NRG3: variants seen among roughly 807,000 people sequenced by gnomAD.
NRG3 encodes the protein pro-neuregulin-3, membrane-bound isoform.
NRG3 carries 31 observed loss-of-function variants against 66.9 expected under a neutral mutation model. That is an observed-to-expected ratio of 0.46 (90% CI 0.35 to 0.63). The LOEUF is 0.63. NRG3 is among the 20% of genes least tolerant of loss of function. The pLI is 0.00. For missense variants in NRG3, 910 were observed against 878.9 expected, an observed-to-expected ratio of 1.04 and a Z score of -0.45; for synonymous variants, 393 against 359.4, an observed-to-expected ratio of 1.09 and a Z score of -1.06.
chr10:82,393,422 T>C (rs565918102), intron 2 of NRG3, among the ~76,000 whole-genome samples: 2 of 152,246 alleles, frequency 1.3e-5, no homozygotes, highest in African/African-American at 2.4e-5. Flanking sequence ...CATTAGGCTG[T>C]TCCAATATGA....
intron 1 of NRG3, among the ~76,000 whole-genome samples, chr10:82,025,385 A>T (rs1564748013): frequency 6.6e-6 from 1 of 151,550 alleles, no homozygotes; most frequent in South Asian, 2.1e-4. Context: ...TTTTTAAAAA[A>T]GTTTTAACAT....
chr10:82,461,778 C>T (rs2091527391), intron 2 of NRG3, among the ~76,000 whole-genome samples: 1 of 152,148 alleles, frequency 6.6e-6, no homozygotes, highest in South Asian at 2.1e-4. Flanking sequence ...TTTATAGACT[C>T]TGAAGCAGTA....
rs1853404171 is a variant in NRG3 at position 82,985,911 on chromosome 10, C to T, written c.*306C>T. On this transcript the variant is annotated 3_prime_UTR_variant, in exon 9 of 9. Transcript: ENST00000372141. The stretch of plus-strand genomic sequence containing the variant: ...AATTCAGACCCTTGGCCCCACAGTG[C>T]CAGTGTCTCATTAAAAAACACTGGC... 4.5e-6 allele frequency: 1 copy of T among 223,712 alleles called. No individual in the cohort carries two copies. Among genetic ancestry groups the T allele is most frequent in the South Asian group, 8.8e-5 (1 of 11,342 alleles). The allele number at this position is 223,712 out of a possible 1,614,324, so 13.9% of individuals were successfully genotyped here.
intron 1 of NRG3, among the ~76,000 whole-genome samples, chr10:82,103,972 C>A (rs61864632): frequency 6.8e-6 from 1 of 147,550 alleles, no homozygotes; most frequent in South Asian, 2.1e-4. Context: ...TTTTCTCGTG[C>A]CTTTTTTTTT....
At chr10:82,101,583 T>G (rs896276108) in intron 1 of NRG3, among the ~76,000 whole-genome samples, 4 of 151,896 alleles carry the variant, frequency 2.6e-5, no homozygotes. Context: ...GTTGTCTTAC[T>G]TAACCCATTA....
chr10:82,737,717 G>T (rs148349809), intron 2 of NRG3, among the ~76,000 whole-genome samples: 209 of 152,192 alleles, frequency 1.4e-3, no homozygotes, highest in African/African-American at 4.8e-3. Flanking sequence ...GGGCCTCGCC[G>T]TATTTGTTCC....
chr10:82,856,743 CA>C (rs371581250), intron 3 of NRG3, among the ~76,000 whole-genome samples: 65 of 66,418 alleles, frequency 9.8e-4, no homozygotes, highest in African/African-American at 2.5e-3. Context: ...GACTCTGTCT[CA>C]AAAAAAAAAA....
At chr10:82,008,311 G>A (rs1042572192) in intron 1 of NRG3, among the ~76,000 whole-genome samples, 9 of 152,162 alleles carry the variant, frequency 5.9e-5, no homozygotes, top group Non-Finnish European at 1.2e-4. Flanking sequence ...GTATGAGTTC[G>A]ACAGGCAAAG....
chr10:81,936,223 G>T (rs1486001911), intron 1 of NRG3, among the ~76,000 whole-genome samples: 1 of 152,164 alleles, frequency 6.6e-6, no homozygotes, highest in Non-Finnish European at 1.5e-5. Context: ...AGAAGAGGCT[G>T]GGGAGAAATA....
chr10:82,309,935 G>T (rs945656384), intron 1 of NRG3, among the ~76,000 whole-genome samples: 1 of 152,084 alleles, frequency 6.6e-6, no homozygotes, highest in African/African-American at 2.4e-5. Context: ...ACCTCTCCTT[G>T]TCTCTTAACC....
chr10:82,915,273 C>T (rs1414482364), intron 4 of NRG3, among the ~76,000 whole-genome samples: 1 of 152,176 alleles, frequency 6.6e-6, no homozygotes, highest in East Asian at 1.9e-4. Context: ...TCTAAGAAGA[C>T]TTGTTCATTT....
At chr10:82,197,638 C>A (rs79736747) in intron 1 of NRG3, among the ~76,000 whole-genome samples, 2 of 151,952 alleles carry the variant, frequency 1.3e-5, no homozygotes, top group African/African-American at 4.8e-5. Context: ...AATGTTATGC[C>A]TGTATTTGTG....
intron 1 of NRG3, among the ~76,000 whole-genome samples, chr10:82,351,190 C>T (rs894450503): frequency 3.3e-5 from 5 of 152,258 alleles, no homozygotes; most frequent in Admixed American, 6.5e-5. Context: ...CACTCGCACC[C>T]GGCCGTGTTA....
intron 1 of NRG3, among the ~76,000 whole-genome samples, chr10:82,315,943 G>A (rs1038407467): frequency 2.6e-5 from 4 of 151,972 alleles, no homozygotes; most frequent in Admixed American, 6.6e-5. Flanking sequence ...CACTGCGCCC[G>A]GCCCATATAT....
intron 3 of NRG3, chr10:82,799,800 A>C (rs749206080): frequency 1.3e-5 from 2 of 152,208 alleles, no homozygotes; most frequent in Non-Finnish European, 2.9e-5. Flanking sequence ...TGAAAAGGGC[A>C]GTGAAACATC....
intron 2 of NRG3, among the ~76,000 whole-genome samples, chr10:82,454,645 G>C (rs6584739): frequency 0.45 from 67,761 of 151,916 alleles, 19,074 homozygotes; most frequent in African/African-American, 0.8. Flanking sequence ...AAACACTCAG[G>C]AAAGCACCCA....
intron 1 of NRG3, among the ~76,000 whole-genome samples, chr10:82,153,894 C>T (rs1403084119): frequency 6.6e-6 from 1 of 151,546 alleles, no homozygotes; most frequent in East Asian, 1.9e-4. Flanking sequence ...GATCTTTATT[C>T]ACTTTTTGAT....
intron 1 of NRG3, among the ~76,000 whole-genome samples, chr10:81,912,899 G>A (rs747056588): frequency 2.4e-4 from 37 of 152,336 alleles, no homozygotes; most frequent in Non-Finnish European, 2.1e-4. Context: ...TTAACTTAAT[G>A]TATTGTGACT....
At chr10:82,615,970 G>A (rs2048620609) in intron 2 of NRG3, among the ~76,000 whole-genome samples, 1 of 152,106 alleles carries the variant, frequency 6.6e-6, no homozygotes, top group Non-Finnish European at 1.5e-5. Flanking sequence ...TTATTTTTGA[G>A]CACTAATATA....
Sources: allele counts gnomAD v4.1 joint callset (sites outside exome capture counted in the v4.1 genomes callset), GRCh38; gene constraint gnomAD v4.1.1; transcripts MANE v1.5; gene names NCBI Gene and HGNC (gene_info 2026-07-23, HGNC 2026-07-21).